RNH1: variants seen among roughly 807,000 people sequenced by gnomAD.
The protein encoded by RNH1 is ribonuclease/angiogenin inhibitor 1, also known as ribonuclease inhibitor.
RNH1 carries 38 observed loss-of-function variants against 46.1 expected under a neutral mutation model. The observed-to-expected ratio is 0.82, with a 90% CI of 0.64 to 1.08. The LOEUF is 1.08. RNH1 is among the 50% of genes least tolerant of loss of function. RNH1 has a pLI of 0.00. For missense variants in RNH1, 577 were observed against 590.7 expected (o/e 0.98, Z 0.24); for synonymous variants, 319 against 279.1 (o/e 1.14, Z -1.43).
At chr11:497,596 C>T (rs1306075982) in intron 9 of RNH1, among the ~76,000 whole-genome samples, 2 of 149,088 alleles carry the variant, frequency 1.3e-5, no homozygotes, top group Non-Finnish European at 3.0e-5. Context: ...CCCATGTGCT[C>T]ACACACTGAC....
At chr11:495,517 G>T (rs1355188221) in intron 9 of RNH1, among the ~76,000 whole-genome samples, 1 of 152,188 alleles carries the variant, frequency 6.6e-6, no homozygotes, top group African/African-American at 2.4e-5. Flanking sequence ...GACAAAAGAG[G>T]ATGGGATAGA....
At chr11:497,194 CACTCTCACCCATGTGCTCACGT>C (rs1256773349) in intron 9 of RNH1, among the ~76,000 whole-genome samples, 37 of 139,868 alleles carry the variant, frequency 2.6e-4, no homozygotes, top group African/African-American at 9.0e-4. Context: ...CACTCGTGCT[CACTCTCACCCATGTGCTCACGT>C]ACTCTCGCCC....
In RNH1 at chr11:498,100, A is replaced by G. The variant is rs1424484219; in HGVS notation, c.998T>C (p.Phe333Ser). The G allele has an allele frequency of 6.2e-7, 1 of 1,614,052 alleles. No individual in the cohort carries two copies. Among genetic ancestry groups the G allele is most frequent in the Non-Finnish European group, 8.5e-7 (1 of 1,180,018 alleles). Residue 333 changes from phenylalanine to serine, a missense_variant, in exon 9 of 11, where the codon TTC (phenylalanine) becomes TCC (serine). Physicochemically the swap from Phe to Ser is radical, Grantham distance 155 (BLOSUM62 -2). Coordinates refer to ENST00000354420, the MANE Select transcript of RNH1 (RefSeq NM_203387.3). ...CCTGTTCTGGGCCAGCACTGAGCTG[A>G]AGTGGGAGCAGCAGGCGGCTGTGAA... ...CSFTAACCSH[F>S]SSVLAQNRFL...
rs932189082 is a variant in RNH1 at position 499,426 on chromosome 11, C to T, written c.444-241G>A. The stretch of plus-strand genomic sequence containing the variant: ...TCAGACTTTGGGGCCCAACCAGGCC[C>T]GGGAGAAAGAAACCAGCCTCTGGAG... On this transcript the variant is annotated intron_variant, in intron 5 of 10. Transcript: ENST00000354420. The T allele has an allele frequency of 1.7e-4, 113 of 676,088 alleles. 2 individuals are homozygous for T. Among genetic ancestry groups the T allele is most frequent in the Admixed American group, 1.7e-4 (8 of 48,270 alleles). 41.9% of individuals were successfully genotyped at this position (676,088 alleles called of 1,614,324 possible).
At chr11:503,471 T>G (rs969087019) in intron 2 of RNH1, 1 of 152,386 alleles carries the variant, frequency 6.6e-6, no homozygotes, top group African/African-American at 2.4e-5. Flanking sequence ...GCGCCCGGCC[T>G]GCAAGGACAG....
chr11:496,759 A>C (rs1383354055), intron 9 of RNH1, among the ~76,000 whole-genome samples: 1 of 152,248 alleles, frequency 6.6e-6, no homozygotes, highest in Non-Finnish European at 1.5e-5. Context: ...ACAAGACCCC[A>C]AAAATTACCT....
At position 502,057 on chromosome 11, in the gene RNH1, C is replaced by A; in HGVS notation, c.101+5G>T. ...ACCCCAAGGCCACCCCGAGAGCAAG[C>A]GTACCTGACCACTTGGCACTGCTGG... is the stretch of plus-strand genomic sequence containing the variant. On this transcript the variant is annotated splice_donor_5th_base_variant and intron_variant, in intron 3 of 10. Transcript: ENST00000354420. The surrounding 1 kb of genome is among the most constrained non-coding windows in gnomAD (Gnocchi z 5.8). The A allele has an allele frequency of 4.4e-6, 7 of 1,608,900 alleles. No individual in the cohort carries two copies. Among genetic ancestry groups the A allele is most frequent in the Non-Finnish European group, 5.9e-6 (7 of 1,178,286 alleles).
intron 5 of RNH1, 166 bp from the exon 6 acceptor site, chr11:499,351 T>A: frequency 1.4e-6 from 1 of 718,202 alleles, no homozygotes; most frequent in East Asian, 2.7e-5. Flanking sequence ...GGCCCGGGCC[T>A]CTGTGGACAC....
chr11:506,266 G>A (rs563689216), intron 1 of RNH1: 2 of 152,324 alleles, frequency 1.3e-5, no homozygotes, highest in Admixed American at 6.5e-5. Context: ...CATCCTAGAA[G>A]GGGGCCTGCC....
chr11:498,830 C>T lies in RNH1; in HGVS notation c.718G>A (p.Gly240Ser). The T allele has an allele frequency of 6.2e-7, 1 of 1,610,564 alleles. No homozygotes were observed. The highest frequency in any genetic ancestry group is 8.5e-7 in the Non-Finnish European group (1 of 1,179,674). Residue 240 changes from glycine to serine, a missense_variant, in exon 7 of 11, where the codon GGT (glycine) becomes AGT (serine). By Grantham distance (56) the Gly-to-Ser change is moderately conservative (BLOSUM62 0). Transcript: ENST00000354420. Reference protein sequence around the residue: ...RELALGSNKLGDVGMAELCPG... With the variant: ...RELALGSNKLSDVGMAELCPG... The stretch of plus-strand genomic sequence containing the variant: ...CACAGCTCCGCCATGCCCACATCAC[C>T]CAGCTTGTTGCTGCCCAGGGCCAGC...
In RNH1 at chr11:497,952, G is replaced by C; in HGVS notation, c.1127+19C>G. 6.2e-7 allele frequency: 1 copy of C among 1,607,278 alleles called. No individual in the cohort carries two copies. On this transcript the variant is annotated intron_variant, in intron 9 of 10. Coordinates refer to ENST00000354420, the MANE Select transcript of RNH1 (RefSeq NM_203387.3). The stretch of plus-strand genomic sequence containing the variant: ...TATGATCTCCCAAATGTGCATACTC[G>C]TGTCCCTCACACACTCACCAGAGCA...
chr11:496,860 C>G (rs1849115544), intron 9 of RNH1, among the ~76,000 whole-genome samples: 1 of 152,264 alleles, frequency 6.6e-6, no homozygotes, highest in Non-Finnish European at 1.5e-5. Context: ...GGCGGGGTTC[C>G]CGCAAGGGAG....
chr11:500,851 AGGCGCGGT>A (rs1849687778), intron 3 of RNH1, 197 bp from the exon 4 acceptor site: 2 of 730,926 alleles, frequency 2.7e-6, no homozygotes, highest in Admixed American at 2.0e-5. Flanking sequence ...GCACGTGGCC[AGGCGCGGT>A]GGCTCACGCC....
intron 1 of RNH1, chr11:505,444 G>C (rs895338025): frequency 2.0e-5 from 3 of 152,214 alleles, no homozygotes; most frequent in African/African-American, 7.2e-5. Flanking sequence ...AGGTTTTGAA[G>C]ATGGAAGAAG....
intron 2 of RNH1, chr11:503,577 C>T (rs1450308491): frequency 8.7e-6 from 1 of 114,422 alleles, no homozygotes; most frequent in African/African-American, 3.3e-5. Context: ...TGTGGTCACC[C>T]AAATTCTGAC....
chr11:498,155 C>A lies in RNH1; in HGVS notation c.957-14G>T. 6.2e-7 allele frequency: 1 copy of A among 1,608,702 alleles called. No homozygotes were observed. The highest frequency in any genetic ancestry group is 8.5e-7 in the Non-Finnish European group (1 of 1,177,276). ...CAGGACTTCACCCTGTGGACACAGA[C>A]AGGACTGACGCCTGGCAGGGGCCCA... On this transcript the variant is annotated splice_polypyrimidine_tract_variant and intron_variant, in intron 8 of 10. Transcript: ENST00000354420.
chr11:496,087 A>G (rs944040022), intron 9 of RNH1, among the ~76,000 whole-genome samples: 2 of 152,002 alleles, frequency 1.3e-5, no homozygotes, highest in African/African-American at 4.8e-5. Context: ...AAAGAAACAT[A>G]AGAAAGGAGA....
At position 498,899 on chromosome 11, in the gene RNH1, G is replaced by A. The variant is rs768284092; in HGVS notation, c.649C>T (p.Arg217Trp). ...ESCGVTSDNC[R>W]DLCGIVASKA... ...GAGGCCACAATGCCGCACAGGTCCC[G>A]GCAGTTGTCTGATGTCACACCGCAG... Residue 217 changes from arginine to tryptophan, a missense_variant, in exon 7 of 11, where the codon CGG becomes TGG. By Grantham distance (101) the Arg-to-Trp change is moderately radical (BLOSUM62 -3). Coordinates refer to ENST00000354420, the MANE Select transcript of RNH1 (RefSeq NM_203387.3). 4.6e-5 allele frequency: 74 copies of A among 1,612,568 alleles called. No individual in the cohort carries two copies. Among genetic ancestry groups the A allele is most frequent in the Middle Eastern group, 3.3e-4 (2 of 6,082 alleles).
At chr11:495,178 G>A in intron 9 of RNH1, 125 bp from the exon 10 acceptor site, 1 of 968,868 alleles carries the variant, frequency 1.0e-6, no homozygotes, top group Admixed American at 2.5e-5. Context: ...CCCTCAGGTG[G>A]GGCCGTCCCC....
Sources: allele counts gnomAD v4.1 joint callset (sites outside exome capture counted in the v4.1 genomes callset), GRCh38; gene constraint gnomAD v4.1.1; non-coding constraint Gnocchi (gnomAD v3.1); transcripts MANE v1.5; gene names NCBI Gene and HGNC (gene_info 2026-07-23, HGNC 2026-07-21).